Variants in ERC1 observed in about 807,000 individuals in gnomAD.
The protein encoded by ERC1 is RAB6 interacting protein 2.
Under a neutral mutation model 132.0 loss-of-function variants are expected in ERC1, and 56 were observed. The ratio of observed to expected loss-of-function variants is 0.42; its 90% CI spans 0.34 to 0.53. ERC1 has a LOEUF of 0.53. ERC1 is among the 20% of genes least tolerant of loss of function. ERC1 has a pLI of 0.03. For missense variants in ERC1, 1,202 were observed against 1,349.9 expected, an observed-to-expected ratio of 0.89 and a Z score of 1.72; for synonymous variants, 478 against 476.1, an observed-to-expected ratio of 1.00 and a Z score of -0.05.
chr12:1,440,601 TGTGTGTGTG>T (rs2093114315), intron 17 of ERC1, among the ~76,000 whole-genome samples: 3 of 12,378 alleles, frequency 2.4e-4, no homozygotes, highest in African/African-American at 3.9e-4. Context: ...CTCAGCCTTT[TGTGTGTGTG>T]TGTGTGTGTG....
intron 9 of ERC1, 126 bp from the exon 10 acceptor site, chr12:1,181,799 G>T: frequency 8.9e-6 from 8 of 895,450 alleles, no homozygotes; most frequent in Non-Finnish European, 9.4e-6. Context: ...AAAAAAAAAA[G>T]TGGATTCTTT....
At chr12:1,242,752 A>G (rs1300734912) in intron 13 of ERC1, among the ~76,000 whole-genome samples, 1 of 152,196 alleles carries the variant, frequency 6.6e-6, no homozygotes, top group South Asian at 2.1e-4. Context: ...TAGGTTCTGC[A>G]TTTTTGGATT....
At chr12:1,048,053 G>GCTAGATGCGCCTGAGATGCAGATTAC (rs1329587374) in intron 2 of ERC1, among the ~76,000 whole-genome samples, 19 of 152,126 alleles carry the variant, frequency 1.2e-4, no homozygotes, top group Non-Finnish European at 2.6e-4. Flanking sequence ...ATGTTCTCAG[G>GCTAGATGCGCCTGAGATGCAGATTAC]CTAGATGCAG....
At chr12:1,346,410 TCA>T (rs1426020089) in intron 15 of ERC1, among the ~76,000 whole-genome samples, 2 of 152,234 alleles carry the variant, frequency 1.3e-5, no homozygotes, top group Non-Finnish European at 2.9e-5. Flanking sequence ...CTGGGAATTC[TCA>T]CAGTTTTATC....
At chr12:1,298,839 A>G (rs757470090) in intron 15 of ERC1, among the ~76,000 whole-genome samples, 5 of 151,984 alleles carry the variant, frequency 3.3e-5, no homozygotes, top group African/African-American at 4.8e-5. Context: ...ACTGGCTGGA[A>G]TTAACGGAAA....
intron 7 of ERC1, among the ~76,000 whole-genome samples, chr12:1,124,028 A>G (rs1947868404): frequency 6.6e-6 from 1 of 152,248 alleles, no homozygotes; most frequent in Non-Finnish European, 1.5e-5. Context: ...GAGGTGAAAC[A>G]GATAAATCAA....
chr12:1,210,557 A>G (rs1957766853), intron 12 of ERC1, among the ~76,000 whole-genome samples: 1 of 152,118 alleles, frequency 6.6e-6, no homozygotes, highest in Non-Finnish European at 1.5e-5. Context: ...GGATTCAGAA[A>G]CTTGACTCCT....
chr12:1,182,069 A>G lies in ERC1; in HGVS notation c.2016+4A>G. ...AGGCGACCTTTCAGAGAAAGAGGTTAAGCTCCCCAAAATGGAATTAGTTTG... is the reference window on the plus strand; with the variant it reads ...AGGCGACCTTTCAGAGAAAGAGGTTGAGCTCCCCAAAATGGAATTAGTTTG... On this transcript the variant is annotated splice_donor_region_variant and intron_variant, in intron 10 of 18. Transcript: ENST00000360905. The G allele has an allele frequency of 6.2e-7, 1 of 1,613,114 alleles. No homozygotes were observed. The highest frequency in any genetic ancestry group is 8.5e-7 in the Non-Finnish European group (1 of 1,179,530).
chr12:1,092,480 G>A (rs1943378130), intron 3 of ERC1, among the ~76,000 whole-genome samples: 1 of 152,196 alleles, frequency 6.6e-6, no homozygotes, highest in African/African-American at 2.4e-5. Flanking sequence ...TTCAGCTGAG[G>A]TATGAGCATT....
chr12:1,385,718 A>G (rs999804947), intron 16 of ERC1: 2 of 152,234 alleles, frequency 1.3e-5, no homozygotes, highest in African/African-American at 4.8e-5. Context: ...CAGTCACAGC[A>G]ATGTTCCCTA....
chr12:1,085,572 A>C (rs11061629), intron 3 of ERC1, among the ~76,000 whole-genome samples: 10 of 130,628 alleles, frequency 7.7e-5, no homozygotes, highest in Non-Finnish European at 1.0e-4. Flanking sequence ...TTGTTGTTGA[A>C]AGTGCTGAGA....
At chr12:1,072,531 C>A (rs982360770) in intron 2 of ERC1, among the ~76,000 whole-genome samples, 2 of 152,068 alleles carry the variant, frequency 1.3e-5, no homozygotes, top group Non-Finnish European at 2.9e-5. Flanking sequence ...GAGTCTCAGA[C>A]GCATCTTATT....
At position 1,494,676 on chromosome 12, in the gene ERC1, T is replaced by C; in HGVS notation, c.*4446T>C. ...TAGGGATTGATTTGGGGGAGCGGGT[T>C]TTTGTCCCATCCCACCTCCTCTCTT... On this transcript the variant is annotated 3_prime_UTR_variant, in exon 19 of 19. Coordinates refer to ENST00000360905, the MANE Select transcript of ERC1 (RefSeq NM_178040.4). 1 of 231,152 alleles carries C rather than the reference T, an allele frequency of 4.3e-6. No individual in the cohort carries two copies. Among genetic ancestry groups the C allele is most frequent in the East Asian group, 6.1e-5 (1 of 16,328 alleles). 14.3% of individuals were successfully genotyped at this position (231,152 alleles called of 1,614,324 possible).
At chr12:1,443,899 A>C (rs2093231602) in intron 17 of ERC1, 1 of 152,266 alleles carries the variant, frequency 6.6e-6, no homozygotes, top group African/African-American at 2.4e-5. Flanking sequence ...ACAACTAAGA[A>C]TTTCAGAGTC....
intron 18 of ERC1, among the ~76,000 whole-genome samples, chr12:1,469,987 C>T (rs1228164667): frequency 6.6e-6 from 1 of 151,894 alleles, no homozygotes; most frequent in Non-Finnish European, 1.5e-5. Flanking sequence ...CCCTAGAGCT[C>T]TGGCAGTCGT....
At chr12:1,485,610 A>G (rs2094202768) in intron 18 of ERC1, among the ~76,000 whole-genome samples, 1 of 152,102 alleles carries the variant, frequency 6.6e-6, no homozygotes, top group South Asian at 2.1e-4. Flanking sequence ...CTATTAGGTT[A>G]TAGGTTTTTA....
In ERC1 at chr12:1,494,387, G is replaced by A. The variant is rs977847666; in HGVS notation, c.*4157G>A. On this transcript the variant is annotated 3_prime_UTR_variant, in exon 19 of 19. Coordinates refer to ENST00000360905, the MANE Select transcript of ERC1 (RefSeq NM_178040.4). ...CCCATGCAAATTAGGGAAGAATTAG[G>A]CAAGAAAAGACATACATTACAGGGA... is the stretch of plus-strand genomic sequence containing the variant. 1 of 231,850 alleles carries A rather than the reference G, an allele frequency of 4.3e-6. No individual in the cohort carries two copies. Among genetic ancestry groups the A allele is most frequent in the African/African-American group, 2.2e-5 (1 of 45,258 alleles). The allele number at this position is 231,850 out of a possible 1,614,324, so 14.4% of individuals were successfully genotyped here.
chr12:1,120,636 AATGTGCAGAGC>A, intron 7 of ERC1, among the ~76,000 whole-genome samples: 1 of 152,196 alleles, frequency 6.6e-6, no homozygotes, highest in Non-Finnish European at 1.5e-5. Context: ...ATGAATTCTC[AATGTGCAGAGC>A]AGAGCTGATT....
intron 7 of ERC1, among the ~76,000 whole-genome samples, chr12:1,129,189 G>A (rs545223395): frequency 6.6e-6 from 1 of 152,106 alleles, no homozygotes; most frequent in Non-Finnish European, 1.5e-5. Flanking sequence ...CTTAAATACT[G>A]CCAGGTAGAC....
Sources: allele counts gnomAD v4.1 joint callset (sites outside exome capture counted in the v4.1 genomes callset), GRCh38; gene constraint gnomAD v4.1.1; transcripts MANE v1.5; gene names NCBI Gene and HGNC (gene_info 2026-07-23, HGNC 2026-07-21).